Variants in SYNE1 observed in about 807,000 individuals in gnomAD.
SYNE1 encodes nesprin-1.
In SYNE1, 616 loss-of-function variants were observed where a neutral mutation model predicts 1,111.0. That is an observed-to-expected ratio of 0.55 (90% CI 0.52 to 0.59). SYNE1 has a LOEUF of 0.59. SYNE1 is among the 20% of genes least tolerant of loss of function. SYNE1 has a pLI of 0.00. For missense variants in SYNE1, 10,006 were observed against 10,417.0 expected (o/e 0.96, Z 1.72); for synonymous variants, 3,855 against 3,825.8 (o/e 1.01, Z -0.28).
At chr6:152,316,107 A>G (rs941608481) in intron 87 of SYNE1, 3 of 152,280 alleles carry the variant, frequency 2.0e-5, no homozygotes. Context: ...AGGATGAAAT[A>G]ATTTCCTGGA....
intron 4 of SYNE1, among the ~76,000 whole-genome samples, chr6:152,529,068 T>C (rs1027962831): frequency 1.3e-5 from 2 of 152,118 alleles, no homozygotes; most frequent in African/African-American, 4.8e-5. Context: ...TTAAACAAGA[T>C]AGCAGGTAGG....
Position 152,387,349 on chromosome 6 carries a change from T to A in SYNE1, c.8210A>T (p.Asp2737Val). 1 of 1,614,188 alleles carries A rather than the reference T, an allele frequency of 6.2e-7. No homozygotes were observed. ...TLESVISQWNDYVERKNQLEQ... is the reference protein window; with the variant it reads ...TLESVISQWNVYVERKNQLEQ... The stretch of plus-strand genomic sequence containing the variant: ...CAACTGGTTTTTCCTCTCTACATAG[T>A]CATTCCATTGGCTAATCACAGACTC... The change falls in exon 54 of 146, where the codon GAC (aspartate) becomes GTC (valine). Residue 2737 changes from aspartate (D) to valine (V), a missense_variant. Asp to Val is a radical substitution (Grantham distance 152). Transcript: ENST00000367255.
intron 93 of SYNE1, among the ~76,000 whole-genome samples, chr6:152,294,375 C>T (rs1304301242): frequency 6.6e-6 from 1 of 151,952 alleles, no homozygotes; most frequent in Non-Finnish European, 1.5e-5. Context: ...TTCAAGTTGC[C>T]AAAACTCAAT....
In SYNE1 at chr6:152,460,596, C is replaced by T. The variant is rs1173592566; in HGVS notation, c.2394+1001G>A. Among the ~76,000 whole-genome samples, 3 of 151,920 alleles carry T rather than the reference C, an allele frequency of 2.0e-5. No homozygotes were observed. The East Asian group carries it at 5.8e-4, about 29-fold the overall frequency. ...ATTCATTTATTATAATCACTTCTCT[C>T]TTTTACTAGAAATTAATTACCCAAT... On this transcript the variant is annotated intron_variant, in intron 21 of 145. Transcript: ENST00000367255.
chr6:152,249,201 A>C lies in SYNE1; in HGVS notation c.19532T>G (p.Leu6511Arg). 1 of 1,614,088 alleles carries C rather than the reference A, an allele frequency of 6.2e-7. No individual in the cohort carries two copies. The highest frequency in any genetic ancestry group is 8.5e-7 in the Non-Finnish European group (1 of 1,179,960). The change falls in exon 105 of 146, where the codon CTG becomes CGG. Residue 6511 changes from leucine (L) to arginine (R), a missense_variant. Leu to Arg is a moderately radical substitution (Grantham distance 102). This residue lies in a region of SYNE1 where 2,182 missense variants were observed against 2,287.8 expected (regional missense o/e 0.95). Coordinates refer to ENST00000367255, the MANE Select transcript of SYNE1 (RefSeq NM_182961.4). ...TACGGGCTGTTCAAACACATTTGCC[A>C]GTTTTTGCAGAATGATGTATTTGTT... ...ADNKYIILQK[L>R]ANVFEQPVAE... is the part of the protein sequence containing the mutation.
intron 135 of SYNE1, 81 bp downstream of exon 135, chr6:152,151,472 C>T: frequency 6.4e-7 from 1 of 1,567,898 alleles, no homozygotes; most frequent in South Asian, 1.2e-5. Flanking sequence ...AAGTTATTTG[C>T]TATGTTCTTC....
chr6:152,210,190 T>C (rs2077281481), intron 124 of SYNE1, among the ~76,000 whole-genome samples: 2 of 152,340 alleles, frequency 1.3e-5, no homozygotes, highest in South Asian at 4.1e-4. Flanking sequence ...GATTTTTTTT[T>C]CCCTTCAACT....
At chr6:152,355,604 TA>T (rs2096823038) in intron 66 of SYNE1, among the ~76,000 whole-genome samples, 1 of 147,938 alleles carries the variant, frequency 6.8e-6, no homozygotes, top group African/African-American at 2.5e-5. Flanking sequence ...AAATTTAGTA[TA>T]AATCAAGTTT....
chr6:152,381,578 C>A, intron 55 of SYNE1: 2 of 598,104 alleles, frequency 3.3e-6, no homozygotes, highest in Non-Finnish European at 3.0e-6. Flanking sequence ...TCCCGAGAAT[C>A]CTCAATATCC....
chr6:152,313,636 T>C (rs967966082), intron 87 of SYNE1, among the ~76,000 whole-genome samples: 1 of 152,044 alleles, frequency 6.6e-6, no homozygotes. Flanking sequence ...CTAACTTTTG[T>C]ATTTTTAGTA....
At chr6:152,226,956 G>T (rs1275696551) in intron 115 of SYNE1, among the ~76,000 whole-genome samples, 1 of 152,088 alleles carries the variant, frequency 6.6e-6, no homozygotes, top group African/African-American at 2.4e-5. Flanking sequence ...TTGGAGATTC[G>T]AATGGAGAAA....
intron 3 of SYNE1, among the ~76,000 whole-genome samples, chr6:152,599,417 T>C (rs372658776): frequency 3.3e-5 from 5 of 152,298 alleles, no homozygotes; most frequent in East Asian, 1.9e-4. Flanking sequence ...CAGTCCTACA[T>C]TGGTGACACT....
intron 58 of SYNE1, among the ~76,000 whole-genome samples, chr6:152,375,691 A>G (rs977117863): frequency 1.3e-5 from 2 of 152,202 alleles, no homozygotes; most frequent in African/African-American, 4.8e-5. Flanking sequence ...CTTTTACCCT[A>G]TTGTACACTG....
At chr6:152,301,527 C>T (rs1327800314) in intron 92 of SYNE1, among the ~76,000 whole-genome samples, 1 of 152,134 alleles carries the variant, frequency 6.6e-6, no homozygotes, top group East Asian at 1.9e-4. Flanking sequence ...CATGAATTTC[C>T]CATCCCCCAG....
At chr6:152,588,457 G>C (rs1353701090) in intron 3 of SYNE1, among the ~76,000 whole-genome samples, 7 of 152,174 alleles carry the variant, frequency 4.6e-5, no homozygotes, top group African/African-American at 1.7e-4. Flanking sequence ...GATTTTTTCT[G>C]TGTGTGCTTT....
chr6:152,629,763 C>A (rs1395580018), intron 2 of SYNE1, among the ~76,000 whole-genome samples: 1 of 151,754 alleles, frequency 6.6e-6, no homozygotes, highest in South Asian at 2.1e-4. Flanking sequence ...GGAGGTGATA[C>A]TTGATTACAG....
chr6:152,343,303 C>T (rs2096570122), intron 74 of SYNE1, among the ~76,000 whole-genome samples: 1 of 151,050 alleles, frequency 6.6e-6, no homozygotes, highest in Non-Finnish European at 1.5e-5. Flanking sequence ...GGATTACAGG[C>T]GCCTGCCACC....
At chr6:152,564,491 AT>A (rs1422398086) in intron 3 of SYNE1, among the ~76,000 whole-genome samples, 1 of 151,870 alleles carries the variant, frequency 6.6e-6, no homozygotes, top group Non-Finnish European at 1.5e-5. Context: ...TAATTTTTGT[AT>A]TTTTTGTAGA....
At chr6:152,332,013 C>T (rs2096259207) in intron 77 of SYNE1, 123 bp from the exon 78 acceptor site, 1 of 1,406,656 alleles carries the variant, frequency 7.1e-7, no homozygotes, top group Non-Finnish European at 9.9e-7. Flanking sequence ...TCTTGTTTCC[C>T]AGGCTGGAGT....
Sources: allele counts gnomAD v4.1 joint callset (sites outside exome capture counted in the v4.1 genomes callset), GRCh38; gene constraint gnomAD v4.1.1; regional missense constraint gnomAD v4.1.1; transcripts MANE v1.5; gene names NCBI Gene and HGNC (gene_info 2026-07-23, HGNC 2026-07-21).